The following GRIP1 variants were observed in gnomAD, a reference collection of about 807,000 sequenced individuals.
The protein encoded by GRIP1 is glutamate receptor-interacting protein 1.
GRIP1 carries 45 observed loss-of-function variants against 129.9 expected under a neutral mutation model. The observed-to-expected ratio is 0.35, with a 90% CI of 0.27 to 0.44. The LOEUF (loss-of-function observed/expected upper bound fraction) is 0.44, where lower values mean the gene tolerates loss of function less well. GRIP1 is among the 20% of genes least tolerant of loss of function. The probability of loss-of-function intolerance (pLI) is 1.00; values close to 1 mark genes in which losing one functional copy is unlikely to be tolerated. For missense variants in GRIP1, 1,196 were observed against 1,396.8 expected (o/e 0.86, Z 2.29); for synonymous variants, 530 against 520.8 (o/e 1.02, Z -0.24).
At chr12:66,594,016 C>A (rs911530047) in intron 2 of GRIP1, among the ~76,000 whole-genome samples, 14 of 130,154 alleles carry the variant, frequency 1.1e-4, no homozygotes, top group African/African-American at 4.2e-4. Context: ...TGCAGTGAGC[C>A]GAGATCGTGC....
In GRIP1 at chr12:66,788,493, T is replaced by C. The variant is rs138269967; in HGVS notation, c.-420+15560A>G. ...CCTCATGAGTATAGACTGGACCTAA[T>C]GACTCTCTTCTAATGAACAGAAGGC... is the stretch of plus-strand genomic sequence containing the variant. On this transcript the variant is annotated intron_variant, in intron 1 of 4. Transcript: ENST00000538373. Among the ~76,000 whole-genome samples the C allele has an allele frequency of 2.0e-5, 3 of 152,104 alleles. No homozygotes were observed. In the East Asian group the frequency reaches 5.8e-4, roughly 29 times the overall value.
At position 66,533,582 on chromosome 12, in the gene GRIP1, T is replaced by G. The variant is rs147872500; in HGVS notation, c.419-3668A>C. On this transcript the variant is annotated intron_variant, in intron 4 of 24. Coordinates refer to ENST00000359742, the MANE Select transcript of GRIP1 (RefSeq NM_001366722.1). ...ATTGCTTGAATCTGAGAGGTGGAGG[T>G]TGCAGTGAGCCGAGATTGTGCCACT... Among the ~76,000 whole-genome samples, 1,174 of 151,928 alleles carry G rather than the reference T, an allele frequency of 7.7e-3. 9 individuals carry two copies. The highest frequency in any genetic ancestry group is 0.012 in the Non-Finnish European group (828 of 67,964).
At chr12:66,812,531 G>A (rs1304262613) in intron 1 of GRIP1, among the ~76,000 whole-genome samples, 4 of 152,126 alleles carry the variant, frequency 2.6e-5, no homozygotes, top group African/African-American at 4.8e-5. Context: ...TTACATGTTC[G>A]ATATTTATTA....
chr12:66,371,684 G>A lies in GRIP1; in HGVS notation c.3012+10C>T. On this transcript the variant is annotated intron_variant, in intron 23 of 24. Coordinates refer to ENST00000359742, the MANE Select transcript of GRIP1 (RefSeq NM_001366722.1). ...TTTGACCCTAGGGAAAGAAGAGAAAGCTTACTGACCTTGTGCAGCTCCACA... is the reference window on the plus strand; with the variant it reads ...TTTGACCCTAGGGAAAGAAGAGAAAACTTACTGACCTTGTGCAGCTCCACA... The A allele has an allele frequency of 6.4e-7, 1 of 1,573,136 alleles. No homozygotes were observed. The highest frequency in any genetic ancestry group is 1.1e-5 in the South Asian group (1 of 90,210).
At chr12:66,519,487 T>C (rs190047140) in intron 5 of GRIP1, among the ~76,000 whole-genome samples, 10 of 152,346 alleles carry the variant, frequency 6.6e-5, no homozygotes, top group Non-Finnish European at 1.5e-5. Flanking sequence ...GGGTCAAAGA[T>C]AGCAAGAAAT....
At chr12:66,688,207 A>G (rs1242295889) in intron 1 of GRIP1, among the ~76,000 whole-genome samples, 1 of 152,174 alleles carries the variant, frequency 6.6e-6, no homozygotes, top group East Asian at 1.9e-4. Context: ...CTTGGGATCA[A>G]AGAGTCTTGT....
At chr12:66,949,917 C>T (rs923449042) in intron 1 of GRIP1, among the ~76,000 whole-genome samples, 2 of 151,736 alleles carry the variant, frequency 1.3e-5, no homozygotes, top group African/African-American at 4.8e-5. Context: ...TACAGGTGCC[C>T]GCCACCACGC....
chr12:66,398,059 C>CCA (rs2056860774), intron 16 of GRIP1, among the ~76,000 whole-genome samples: 1 of 152,116 alleles, frequency 6.6e-6, no homozygotes, highest in African/African-American at 2.4e-5. Context: ...CCAGGGCATC[C>CCA]CACTGCCACT....
intron 1 of GRIP1, among the ~76,000 whole-genome samples, chr12:66,809,536 C>T (rs2039062342): frequency 6.6e-6 from 1 of 152,142 alleles, no homozygotes; most frequent in South Asian, 2.1e-4. Context: ...TGTTCTCTGG[C>T]ACTAATGGTA....
chr12:66,782,014 T>A (rs1189149408), intron 1 of GRIP1, among the ~76,000 whole-genome samples: 2 of 152,204 alleles, frequency 1.3e-5, no homozygotes, highest in Admixed American at 1.3e-4. Flanking sequence ...AACATTACAT[T>A]CCAGATCAGG....
intron 1 of GRIP1, among the ~76,000 whole-genome samples, chr12:66,640,548 C>T (rs4540902): frequency 0.56 from 84,941 of 152,022 alleles, 24,860 homozygotes; most frequent in African/African-American, 0.74. Flanking sequence ...TGAGAATGTT[C>T]TCCTTCTTAT....
rs895784191 is a variant in GRIP1 at position 66,392,600 on chromosome 12, C to T, written c.2269+77G>A. 28 of 1,584,604 alleles carry T rather than the reference C, an allele frequency of 1.8e-5. No individual in the cohort carries two copies. In the Admixed American group the frequency reaches 4.2e-4, roughly 24 times the overall value. ...AGAGATTTGTTTCCCTAGAATTACACACAGACACTAGCACATTCTTTCAAG... is the reference window on the plus strand; with the variant it reads ...AGAGATTTGTTTCCCTAGAATTACATACAGACACTAGCACATTCTTTCAAG... On this transcript the variant is annotated intron_variant, in intron 18 of 24. Coordinates refer to ENST00000359742, the MANE Select transcript of GRIP1 (RefSeq NM_001366722.1).
At chr12:66,779,425 T>C (rs2038087903) in intron 1 of GRIP1, among the ~76,000 whole-genome samples, 1 of 152,238 alleles carries the variant, frequency 6.6e-6, no homozygotes. Flanking sequence ...TACTGCATTT[T>C]ATGGGGTAGA....
chr12:67,032,402 C>T (rs539704522), intron 1 of GRIP1, among the ~76,000 whole-genome samples: 28 of 152,304 alleles, frequency 1.8e-4, no homozygotes, highest in African/African-American at 6.7e-4. Flanking sequence ...TTTCCTTACT[C>T]TTACCTACAA....
At chr12:66,876,762 G>A (rs1301523108) in intron 1 of GRIP1, among the ~76,000 whole-genome samples, 2 of 151,994 alleles carry the variant, frequency 1.3e-5, no homozygotes, top group Non-Finnish European at 2.9e-5. Context: ...AATGATTGTG[G>A]ACCACTATTG....
chr12:66,375,731 T>C (rs1318192882), intron 22 of GRIP1, among the ~76,000 whole-genome samples: 2 of 152,250 alleles, frequency 1.3e-5, no homozygotes, highest in African/African-American at 2.4e-5. Flanking sequence ...TGATGGATGT[T>C]GTTTTCATCA....
rs1414839049 is a variant in GRIP1 at position 66,455,437 on chromosome 12, T to C, written c.1326A>G (p.Arg442=). ...TSPRGTMMRR[R]LKKKDFKSSL... is the part of the protein sequence containing the mutation. ...AGCTTTTGAAGTCTTTCTTTTTCAG[T>C]CTCCTCCTCATCATGGTTCCACGTG... The change falls in exon 11 of 25, where the codon AGA becomes AGG. Residue 442 remains arginine, a synonymous_variant. Transcript: ENST00000359742. 2 of 1,614,160 alleles carry C rather than the reference T, an allele frequency of 1.2e-6. No individual in the cohort carries two copies. Among genetic ancestry groups the C allele is most frequent in the South Asian group, 2.2e-5 (2 of 91,082 alleles).
intron 1 of GRIP1, among the ~76,000 whole-genome samples, chr12:66,633,775 C>T (rs929466690): frequency 2.6e-5 from 4 of 152,228 alleles, no homozygotes; most frequent in African/African-American, 9.6e-5. Flanking sequence ...GCTATGTGAC[C>T]CCTGGCCACA....
intron 1 of GRIP1, among the ~76,000 whole-genome samples, chr12:66,994,923 G>C (rs1303595086): frequency 6.6e-6 from 1 of 151,966 alleles, no homozygotes; most frequent in Non-Finnish European, 1.5e-5. Flanking sequence ...GAAGGATTTA[G>C]ACTTCCTGAT....
Sources: allele counts gnomAD v4.1 joint callset (sites outside exome capture counted in the v4.1 genomes callset), GRCh38; gene constraint gnomAD v4.1.1; transcripts MANE v1.5; gene names NCBI Gene and HGNC (gene_info 2026-07-23, HGNC 2026-07-21).